IL1RAP: variants seen among roughly 807,000 people sequenced by gnomAD.
IL1RAP encodes the protein interleukin-1 receptor accessory protein.
In IL1RAP, 35 loss-of-function variants were observed where a neutral mutation model predicts 60.7. The ratio of observed to expected loss-of-function variants is 0.58; its 90% CI spans 0.44 to 0.76. The LOEUF is 0.76. Among genes scored for constraint, IL1RAP ranks in the 30% least tolerant of loss-of-function variants. The probability of loss-of-function intolerance (pLI) is 0.00; values close to 1 mark genes in which losing one functional copy is unlikely to be tolerated. For synonymous variants in IL1RAP, 268 were observed against 250.9 expected (o/e 1.07, Z -0.64); for missense variants, 572 against 693.9 (o/e 0.82, Z 1.97).
At chr3:190,568,774 A>G (rs1237107126) in intron 3 of IL1RAP, among the ~76,000 whole-genome samples, 2 of 152,220 alleles carry the variant, frequency 1.3e-5, no homozygotes, top group Non-Finnish European at 2.9e-5. Flanking sequence ...ATGGACACAC[A>G]CAGGGTATAC....
rs1560228805 is a variant in IL1RAP at position 190,629,299 on chromosome 3, T to C, written c.903-51T>C. ...ACTTGTCTGATTCCTACACAGTCCA[T>C]AGCTCTTGAGTCACTCTCAAATGCT... On this transcript the variant is annotated intron_variant, in intron 8 of 11. Coordinates refer to ENST00000447382, the MANE Select transcript of IL1RAP (RefSeq NM_002182.4). 6.6e-6 allele frequency: 9 copies of C among 1,354,554 alleles called. No homozygotes were observed. In the East Asian group the frequency reaches 1.8e-4, roughly 28 times the overall value. 83.9% of individuals were successfully genotyped at this position (1,354,554 alleles called of 1,614,324 possible).
At chr3:190,608,961 A>G in intron 4 of IL1RAP, 34 bp from the exon 5 acceptor site, 2 of 1,556,686 alleles carry the variant, frequency 1.3e-6, no homozygotes, top group Non-Finnish European at 1.8e-6. Flanking sequence ...TCAAATGCAA[A>G]TACTACCCAT....
chr3:190,626,737 C>G (rs753760277), intron 7 of IL1RAP, among the ~76,000 whole-genome samples: 3 of 134,372 alleles, frequency 2.2e-5, no homozygotes, highest in Non-Finnish European at 4.5e-5. Flanking sequence ...GTGGCACAGT[C>G]TTGGCTCACT....
intron 7 of IL1RAP, among the ~76,000 whole-genome samples, chr3:190,625,664 A>C (rs1263138156): frequency 1.3e-5 from 2 of 152,182 alleles, no homozygotes. Flanking sequence ...AAAAAAGATA[A>C]TAGTGATCAA....
intron 1 of IL1RAP, among the ~76,000 whole-genome samples, chr3:190,518,244 T>TAA (rs1402629381): frequency 1.3e-5 from 2 of 152,110 alleles, no homozygotes; most frequent in Non-Finnish European, 2.9e-5. Context: ...GAGATGATCT[T>TAA]TTGGCTCTGC....
chr3:190,575,307 C>T (rs1482884589), intron 3 of IL1RAP, among the ~76,000 whole-genome samples: 1 of 152,160 alleles, frequency 6.6e-6, no homozygotes, highest in African/African-American at 2.4e-5. Flanking sequence ...CTGTGCTTGC[C>T]TGTATTGGTA....
intron 1 of IL1RAP, among the ~76,000 whole-genome samples, chr3:190,547,911 G>A (rs556859071): frequency 3.6e-4 from 55 of 152,302 alleles, no homozygotes; most frequent in Non-Finnish European, 7.6e-4. Flanking sequence ...AGGAGCCCCT[G>A]GGTGTTGCAG....
chr3:190,628,720 T>C (rs1477582816), intron 8 of IL1RAP, among the ~76,000 whole-genome samples: 1 of 152,234 alleles, frequency 6.6e-6, no homozygotes, highest in Admixed American at 6.5e-5. Context: ...CTGACCACAG[T>C]ATTCTAGCTG....
intron 2 of IL1RAP, among the ~76,000 whole-genome samples, chr3:190,557,436 C>G (rs1725520012): frequency 6.6e-6 from 1 of 152,188 alleles, no homozygotes; most frequent in South Asian, 2.1e-4. Flanking sequence ...TATATGTCCT[C>G]TCAGAGTGCT....
intron 3 of IL1RAP, among the ~76,000 whole-genome samples, chr3:190,600,754 T>C (rs929112437): frequency 5.3e-5 from 8 of 152,194 alleles, no homozygotes; most frequent in Admixed American, 3.3e-4. Flanking sequence ...AACCCATAAA[T>C]AGTGGGTGAA....
chr3:190,632,752 T>TATAG (rs1413477635), intron 9 of IL1RAP, among the ~76,000 whole-genome samples: 4 of 152,202 alleles, frequency 2.6e-5, no homozygotes, highest in African/African-American at 9.6e-5. Flanking sequence ...GTTAGGCCTA[T>TATAG]GATCCATTTT....
intron 4 of IL1RAP, among the ~76,000 whole-genome samples, chr3:190,606,564 G>A (rs1275364670): frequency 6.6e-6 from 1 of 152,186 alleles, no homozygotes; most frequent in Non-Finnish European, 1.5e-5. Context: ...CTACTTGCCT[G>A]TAGATCTTCC....
At chr3:190,540,636 A>AT (rs1038103004) in intron 1 of IL1RAP, among the ~76,000 whole-genome samples, 3 of 150,548 alleles carry the variant, frequency 2.0e-5, no homozygotes, top group South Asian at 4.2e-4. Context: ...GTCTGTGTTG[A>AT]TTTTTTTAAT....
At chr3:190,586,978 TCTA>T (rs577846484) in intron 3 of IL1RAP, among the ~76,000 whole-genome samples, 192 of 152,318 alleles carry the variant, frequency 1.3e-3, no homozygotes, top group African/African-American at 4.6e-3. Flanking sequence ...CTCACTTTGT[TCTA>T]CTTTCTATTA....
At chr3:190,522,624 G>C (rs753990718) in intron 1 of IL1RAP, among the ~76,000 whole-genome samples, 7 of 145,754 alleles carry the variant, frequency 4.8e-5, no homozygotes, top group Non-Finnish European at 7.5e-5. Context: ...CAGATGGAGA[G>C]GGGGAGTATA....
chr3:190,641,201 G>A (rs1733638461), intron 9 of IL1RAP, among the ~76,000 whole-genome samples: 1 of 152,212 alleles, frequency 6.6e-6, no homozygotes, highest in Non-Finnish European at 1.5e-5. Flanking sequence ...CCGACCTCAG[G>A]TGATCCACCG....
At chr3:190,588,437 A>G (rs1196549129) in intron 3 of IL1RAP, among the ~76,000 whole-genome samples, 1 of 152,170 alleles carries the variant, frequency 6.6e-6, no homozygotes, top group Non-Finnish European at 1.5e-5. Flanking sequence ...AACCATCTTC[A>G]TTATTCATTT....
At chr3:190,519,521 G>T (rs1242250271) in intron 1 of IL1RAP, among the ~76,000 whole-genome samples, 1 of 151,754 alleles carries the variant, frequency 6.6e-6, no homozygotes, top group Non-Finnish European at 1.5e-5. Context: ...AAAGCCTTTT[G>T]GTCCACTACA....
chr3:190,523,973 T>C (rs6809074), intron 1 of IL1RAP, among the ~76,000 whole-genome samples: 10,315 of 152,188 alleles, frequency 0.068, 809 homozygotes, highest in African/African-American at 0.18. Flanking sequence ...AACTGATTTG[T>C]ACTCCCAGCA....
Sources: allele counts gnomAD v4.1 joint callset (sites outside exome capture counted in the v4.1 genomes callset), GRCh38; gene constraint gnomAD v4.1.1; transcripts MANE v1.5; gene names NCBI Gene and HGNC (gene_info 2026-07-23, HGNC 2026-07-21).